Variants in ITPR1 observed in about 807,000 individuals in gnomAD.
ITPR1 encodes the protein inositol 1,4,5-trisphosphate-gated calcium channel ITPR1.
In ITPR1, 96 loss-of-function variants were observed where a neutral mutation model predicts 318.4. The observed-to-expected ratio is 0.30, with a 90% CI of 0.26 to 0.36. ITPR1 has a LOEUF of 0.36. Ranked by LOEUF, ITPR1 falls within the 10% of genes least tolerant of loss-of-function variation. ITPR1 has a pLI of 1.00. For synonymous variants in ITPR1, 1,312 were observed against 1,289.9 expected (o/e 1.02, Z -0.37); for missense variants, 2,440 against 3,460.2 (o/e 0.71, Z 7.40).
intron 44 of ITPR1, among the ~76,000 whole-genome samples, chr3:4,753,322 C>G (rs1471982948): frequency 6.6e-6 from 1 of 152,142 alleles, no homozygotes; most frequent in African/African-American, 2.4e-5. Context: ...ACCAAGTTGG[C>G]TTGGGCCTGT....
chr3:4,781,365 T>C (rs993372454), intron 49 of ITPR1, among the ~76,000 whole-genome samples: 1 of 152,228 alleles, frequency 6.6e-6, no homozygotes, highest in South Asian at 2.1e-4. Flanking sequence ...CAATCATGAA[T>C]GATGTGTTCA....
chr3:4,534,407 C>T (rs147765006), intron 4 of ITPR1, among the ~76,000 whole-genome samples: 23 of 152,168 alleles, frequency 1.5e-4, no homozygotes, highest in South Asian at 6.2e-4. Flanking sequence ...GTCAGCCTGG[C>T]TCTTACAGGA....
At chr3:4,790,924 A>T (rs2047514522) in intron 52 of ITPR1, among the ~76,000 whole-genome samples, 1 of 152,220 alleles carries the variant, frequency 6.6e-6, no homozygotes, top group African/African-American at 2.4e-5. Flanking sequence ...CCTTTCCTGA[A>T]GATCCTATCC....
chr3:4,836,591 T>C (rs1559985068), intron 60 of ITPR1, among the ~76,000 whole-genome samples, 183 bp from the exon 61 acceptor site: 1 of 152,032 alleles, frequency 6.6e-6, no homozygotes, highest in Non-Finnish European at 1.5e-5. Flanking sequence ...TTCCATTGTA[T>C]GCAATTAAAA....
At chr3:4,738,245 A>G (rs960490095) in intron 44 of ITPR1, among the ~76,000 whole-genome samples, 7 of 152,248 alleles carry the variant, frequency 4.6e-5, no homozygotes, top group African/African-American at 1.7e-4. Flanking sequence ...CAACTCAGTA[A>G]GCCATATGCT....
At chr3:4,800,314 T>G (rs1269708198) in intron 53 of ITPR1, 111 bp from the exon 54 acceptor site, 4 of 1,124,460 alleles carry the variant, frequency 3.6e-6, no homozygotes, top group Non-Finnish European at 2.6e-6. Flanking sequence ...GAGTTGGGAC[T>G]GGTAAGCCAA....
In ITPR1 at chr3:4,847,278, G is replaced by A. The variant is rs2051851861; in HGVS notation, c.*1053G>A. On this transcript the variant is annotated 3_prime_UTR_variant, in exon 62 of 62. Coordinates refer to ENST00000649015, the MANE Select transcript of ITPR1 (RefSeq NM_001378452.1). ...TATTCTTCTGAAAGAGCCACATTTTGGTTTTATTTCTTGTCACATGATTTC... is the reference window on the plus strand; with the variant it reads ...TATTCTTCTGAAAGAGCCACATTTTAGTTTTATTTCTTGTCACATGATTTC... 1 of 151,862 alleles carries A rather than the reference G, an allele frequency of 6.6e-6. No homozygotes were observed. Among genetic ancestry groups the A allele is most frequent in the Non-Finnish European group, 1.5e-5 (1 of 67,928 alleles). 9.4% of individuals were successfully genotyped at this position (151,862 alleles called of 1,614,324 possible).
chr3:4,550,264 C>T (rs574728338), intron 4 of ITPR1, among the ~76,000 whole-genome samples: 3 of 152,112 alleles, frequency 2.0e-5, no homozygotes, highest in Non-Finnish European at 4.4e-5. Context: ...GACTCAAGGG[C>T]CACAGCAAGC....
intron 29 of ITPR1, among the ~76,000 whole-genome samples, 172 bp downstream of exon 29, chr3:4,684,518 G>A (rs1346042126): frequency 6.6e-6 from 1 of 152,130 alleles, no homozygotes; most frequent in African/African-American, 2.4e-5. Context: ...ATCAGATCTG[G>A]GCTCCACACC....
intron 20 of ITPR1, 80 bp downstream of exon 20, chr3:4,671,006 T>C (rs1456885166): frequency 7.7e-5 from 80 of 1,045,636 alleles, no homozygotes; most frequent in Non-Finnish European, 1.0e-4. Flanking sequence ...GTTTGTTGAT[T>C]ACTTCAAGGA....
intron 44 of ITPR1, among the ~76,000 whole-genome samples, chr3:4,757,357 A>G (rs1056423295): frequency 1.3e-5 from 2 of 152,218 alleles, no homozygotes; most frequent in African/African-American, 2.4e-5. Context: ...CATATTAACA[A>G]ATGTATTAAA....
rs1559710386 is a variant in ITPR1 at position 4,693,572 on chromosome 3, A to G, written c.4112A>G (p.Glu1371Gly). 4 of 1,614,020 alleles carry G rather than the reference A, an allele frequency of 2.5e-6. No homozygotes were observed. The highest frequency in any genetic ancestry group is 3.4e-6 in the Non-Finnish European group (4 of 1,179,896). Residue 1371 changes from glutamate to glycine, a missense_variant, in exon 33 of 62, where the codon GAA (glutamate) becomes GGA (glycine). Glu to Gly is a moderately conservative substitution (Grantham distance 98). This residue lies in a region of ITPR1 where 222 missense variants were observed against 318.8 expected (regional missense o/e 0.70). Coordinates refer to ENST00000649015, the MANE Select transcript of ITPR1 (RefSeq NM_001378452.1). ...ACTCTGATCCAGATGATGCGGTCAG[A>G]ACGGGATCGGATGGATGAGAACAGC... Reference protein sequence around the residue: ...FQTLIQMMRSERDRMDENSPL... With the variant: ...FQTLIQMMRSGRDRMDENSPL...
chr3:4,665,053 C>G (rs541207055), intron 16 of ITPR1, 85 bp from the exon 17 acceptor site: 1 of 1,426,356 alleles, frequency 7.0e-7, no homozygotes, highest in East Asian at 2.3e-5. Flanking sequence ...ATCCAGCCAC[C>G]CTTGAGCTTG....
chr3:4,657,844 A>G (rs2093747557), intron 12 of ITPR1, among the ~76,000 whole-genome samples: 1 of 152,092 alleles, frequency 6.6e-6, no homozygotes, highest in Non-Finnish European at 1.5e-5. Context: ...AGACCTCGTG[A>G]TCCACCTGCC....
chr3:4,596,248 T>C (rs1476541033), intron 4 of ITPR1: 1 of 152,212 alleles, frequency 6.6e-6, no homozygotes. Context: ...TTAGAGTTTA[T>C]TGTAAACGGT....
At chr3:4,646,854 T>C (rs950877623) in intron 10 of ITPR1, among the ~76,000 whole-genome samples, 1 of 152,150 alleles carries the variant, frequency 6.6e-6, no homozygotes, top group Non-Finnish European at 1.5e-5. Context: ...AATAGATAAA[T>C]TTTTCTGTCT....
chr3:4,655,669 C>T (rs556461416), intron 12 of ITPR1, among the ~76,000 whole-genome samples: 38 of 152,282 alleles, frequency 2.5e-4, no homozygotes, highest in Admixed American at 6.5e-4. Flanking sequence ...AGACTCATCC[C>T]CCATCTCAGG....
At chr3:4,525,419 T>C (rs995258045) in intron 4 of ITPR1, among the ~76,000 whole-genome samples, 3 of 152,234 alleles carry the variant, frequency 2.0e-5, no homozygotes, top group Admixed American at 6.5e-5. Context: ...TCTCTGATGG[T>C]TGAAAGTACA....
chr3:4,727,220 C>T lies in ITPR1; in HGVS notation c.5220+47C>T, dbSNP rs143935015. ...GTATCGGGAGCTAATGATCAATGAC[C>T]GTAACACCTCCATCAGCCACACACT... On this transcript the variant is annotated intron_variant, in intron 42 of 61. Coordinates refer to ENST00000649015, the MANE Select transcript of ITPR1 (RefSeq NM_001378452.1). 3.7e-4 allele frequency: 507 copies of T among 1,362,204 alleles called. No individual in the cohort carries two copies. The African/African-American group carries it at 5.9e-3, about 16-fold the overall frequency. 84.4% of individuals were successfully genotyped at this position (1,362,204 alleles called of 1,614,324 possible). A position where few individuals can be genotyped will look rare whatever the true frequency, so the allele number is the denominator to read the frequency against.
Sources: allele counts gnomAD v4.1 joint callset (sites outside exome capture counted in the v4.1 genomes callset), GRCh38; gene constraint gnomAD v4.1.1; regional missense constraint gnomAD v4.1.1; transcripts MANE v1.5; gene names NCBI Gene and HGNC (gene_info 2026-07-23, HGNC 2026-07-21).